ITPR2: variants seen among roughly 807,000 people sequenced by gnomAD.
ITPR2 encodes the protein inositol 1,4,5-trisphosphate receptor type 2, also known as inositol 1,4,5-trisphosphate-gated calcium channel ITPR2.
ITPR2 carries 207 observed loss-of-function variants against 317.1 expected under a neutral mutation model. The ratio of observed to expected loss-of-function variants is 0.65; its 90% CI spans 0.58 to 0.73. The LOEUF (loss-of-function observed/expected upper bound fraction) is 0.73. Ranked by LOEUF, ITPR2 falls within the 30% of genes least tolerant of loss-of-function variation. The probability of loss-of-function intolerance (pLI) is 0.00; values close to 1 mark genes in which losing one functional copy is unlikely to be tolerated. For synonymous variants in ITPR2, 1,156 were observed against 1,149.1 expected, an observed-to-expected ratio of 1.01 and a Z score of -0.12; for missense variants, 2,613 against 3,284.0, an observed-to-expected ratio of 0.80 and a Z score of 4.99.
At chr12:26,651,382 T>C (rs1947249610) in intron 21 of ITPR2, among the ~76,000 whole-genome samples, 2 of 152,242 alleles carry the variant, frequency 1.3e-5, no homozygotes, top group African/African-American at 2.4e-5. Context: ...TTTGACACCT[T>C]ATAATTTAAT....
intron 45 of ITPR2, among the ~76,000 whole-genome samples, chr12:26,469,338 G>A (rs1942246670): frequency 6.6e-6 from 1 of 152,130 alleles, no homozygotes; most frequent in Non-Finnish European, 1.5e-5. Context: ...AGCTGGCTGG[G>A]GGTAGGTTCA....
At chr12:26,657,122 C>T (rs555482414) in intron 18 of ITPR2, among the ~76,000 whole-genome samples, 5 of 152,306 alleles carry the variant, frequency 3.3e-5, no homozygotes, top group Admixed American at 6.5e-5. Context: ...CCCAACTTGG[C>T]CCCAAGGCTT....
chr12:26,525,099 T>C (rs1943775466), intron 37 of ITPR2, among the ~76,000 whole-genome samples: 1 of 152,164 alleles, frequency 6.6e-6, no homozygotes, highest in Non-Finnish European at 1.5e-5. Flanking sequence ...AGGCCGTCCA[T>C]TCACCATCTC....
chr12:26,701,512 G>C (rs1266690506), intron 9 of ITPR2, among the ~76,000 whole-genome samples: 1 of 152,188 alleles, frequency 6.6e-6, no homozygotes, highest in Non-Finnish European at 1.5e-5. Context: ...GTATATGTGT[G>C]TCAGGTACAA....
intron 37 of ITPR2, among the ~76,000 whole-genome samples, chr12:26,546,970 C>G (rs1944405540): frequency 6.6e-6 from 1 of 152,030 alleles, no homozygotes; most frequent in Non-Finnish European, 1.5e-5. Context: ...CTAGGGAAAA[C>G]TCTCTTGGAA....
At chr12:26,646,240 C>T (rs1017810897) in intron 21 of ITPR2, among the ~76,000 whole-genome samples, 2 of 151,882 alleles carry the variant, frequency 1.3e-5, no homozygotes, top group African/African-American at 4.8e-5. Context: ...AGACTAACCT[C>T]GTAGTTTTAT....
intron 37 of ITPR2, among the ~76,000 whole-genome samples, chr12:26,528,059 C>T (rs1327658708): frequency 6.6e-6 from 1 of 152,222 alleles, no homozygotes; most frequent in Non-Finnish European, 1.5e-5. Context: ...TCCTGGACTG[C>T]TCTCTGCCAT....
intron 9 of ITPR2, among the ~76,000 whole-genome samples, chr12:26,705,239 C>T (rs1948528496): frequency 6.6e-6 from 1 of 152,138 alleles, no homozygotes; most frequent in African/African-American, 2.4e-5. Context: ...GTCATTCCTC[C>T]ACTCCTGCAT....
At chr12:26,605,205 G>C (rs1946104928) in intron 26 of ITPR2, among the ~76,000 whole-genome samples, 1 of 151,142 alleles carries the variant, frequency 6.6e-6, no homozygotes, top group Non-Finnish European at 1.5e-5. Context: ...CAACCCAGTG[G>C]CTAAGATGAA....
rs74072137 is a variant in ITPR2, at chr12:26,335,612, C to A, written c.*3785G>T. 3.9e-5 allele frequency among the ~76,000 whole-genome samples: 6 copies of A among 152,096 alleles called. No individual in the cohort carries two copies. Among genetic ancestry groups the A allele is most frequent in the African/African-American group, 1.4e-4 (6 of 41,404 alleles). ...GTTAGGCTATCTGGTTTTGATAGTG[C>A]GTGTTTTCTTCTATTAAGTGAGATA... On this transcript the variant is annotated 3_prime_UTR_variant, in exon 57 of 57. Transcript: ENST00000381340.
intron 45 of ITPR2, among the ~76,000 whole-genome samples, chr12:26,463,015 G>A (rs1228469328): frequency 6.6e-6 from 1 of 152,128 alleles, no homozygotes; most frequent in African/African-American, 2.4e-5. Context: ...GGAAAAATAA[G>A]TTAATCAATA....
chr12:26,655,713 A>G lies in ITPR2; in HGVS notation c.2584T>C (p.Phe862Leu), dbSNP rs1490708012. 1.2e-6 allele frequency: 2 copies of G among 1,612,908 alleles called. No individual in the cohort carries two copies. Among genetic ancestry groups the G allele is most frequent in the South Asian group, 1.1e-5 (1 of 91,042 alleles). Residue 862 changes from phenylalanine to leucine, a missense_variant, in exon 20 of 57, where the codon TTT becomes CTT. This residue lies in a region of ITPR2 where 817 missense variants were observed against 897.6 expected (regional missense o/e 0.91). Coordinates refer to ENST00000381340, the MANE Select transcript of ITPR2 (RefSeq NM_002223.4). ...ATATTAGAGGGACAAAGTACCTCAA[A>G]TGTCAGTTTATTTTTTTCTTTATCC... is the stretch of plus-strand genomic sequence containing the variant. ...FGDKEKNKLT[F>L]EVVHLARNLI...
At chr12:26,497,574 A>G (rs1028327079) in intron 37 of ITPR2, among the ~76,000 whole-genome samples, 4 of 152,240 alleles carry the variant, frequency 2.6e-5, no homozygotes, top group Non-Finnish European at 4.4e-5. Flanking sequence ...TTCTGGAAGC[A>G]TAAGAGGAGC....
chr12:26,776,644 C>T (rs1949976221), intron 2 of ITPR2, among the ~76,000 whole-genome samples: 1 of 152,164 alleles, frequency 6.6e-6, no homozygotes, highest in Admixed American at 6.6e-5. Context: ...CTCTGATGAA[C>T]CATTTTTGCC....
chr12:26,438,529 A>G (rs1202407637), intron 47 of ITPR2, among the ~76,000 whole-genome samples: 3 of 152,336 alleles, frequency 2.0e-5, no homozygotes, highest in East Asian at 3.9e-4. Context: ...TTTAAATTTT[A>G]AAAGTCAGTG....
chr12:26,483,970 T>A, intron 41 of ITPR2, 72 bp from the exon 42 acceptor site: 1 of 1,271,048 alleles, frequency 7.9e-7, no homozygotes. Context: ...GTTCTTCCCA[T>A]ATGTGTGCTT....
intron 13 of ITPR2, among the ~76,000 whole-genome samples, chr12:26,681,140 TA>T (rs1261412934): frequency 6.6e-6 from 1 of 152,220 alleles, no homozygotes; most frequent in African/African-American, 2.4e-5. Context: ...ATATGGACTT[TA>T]AACCATACAT....
chr12:26,648,736 T>A (rs1364839021), intron 21 of ITPR2: 1 of 152,162 alleles, frequency 6.6e-6, no homozygotes, highest in Non-Finnish European at 1.5e-5. Flanking sequence ...AAATAATATT[T>A]CTTTTTTTTT....
chr12:26,553,654 G>A (rs1028537872), intron 36 of ITPR2, among the ~76,000 whole-genome samples: 11 of 152,002 alleles, frequency 7.2e-5, no homozygotes, highest in African/African-American at 2.2e-4. Flanking sequence ...GCTTGGTGGC[G>A]GTTGCCTCTA....
Sources: allele counts gnomAD v4.1 joint callset (sites outside exome capture counted in the v4.1 genomes callset), GRCh38; gene constraint gnomAD v4.1.1; regional missense constraint gnomAD v4.1.1; transcripts MANE v1.5; gene names NCBI Gene and HGNC (gene_info 2026-07-23, HGNC 2026-07-21).